Variants in EPOR observed in about 807,000 individuals in gnomAD.
EPOR encodes the protein erythropoietin receptor.
EPOR carries 20 observed loss-of-function variants against 34.3 expected under a neutral mutation model. The ratio of observed to expected loss-of-function variants is 0.58; its 90% CI spans 0.41 to 0.85. The LOEUF (loss-of-function observed/expected upper bound fraction) is 0.85, where lower values mean the gene tolerates loss of function less well. Among genes scored for constraint, EPOR ranks in the 40% least tolerant of loss-of-function variants. The probability of loss-of-function intolerance (pLI) is 0.00; values close to 1 mark genes in which losing one functional copy is unlikely to be tolerated. For missense variants in EPOR, 601 were observed against 672.7 expected (o/e 0.89, Z 1.18); for synonymous variants, 312 against 299.0 (o/e 1.04, Z -0.45).
rs1347652343 is a variant in EPOR, at chr19:11,383,575, G to A, written c.116-343C>T. The A allele has an allele frequency of 1.9e-4, 54 of 279,986 alleles. 1 individual carries two copies. The South Asian group carries it at 2.6e-3, about 14-fold the overall frequency. 17.3% of individuals were successfully genotyped at this position (279,986 alleles called of 1,614,324 possible). On this transcript the variant is annotated intron_variant, in intron 1 of 7. Transcript: ENST00000222139. The surrounding 1 kb of genome is among the most constrained non-coding windows in gnomAD (Gnocchi z 4.9). The stretch of plus-strand genomic sequence containing the variant: ...CGGCTGGGGGTGTGTGCGGAGAGGC[G>A]GGCCCCCTATCGGCCCCGGCAGGCT...
rs978732810 is a variant in EPOR, at chr19:11,381,539, T to A, written c.585+153A>T. On this transcript the variant is annotated intron_variant, in intron 4 of 7. Coordinates refer to ENST00000222139, the MANE Select transcript of EPOR (RefSeq NM_000121.4). The surrounding 1 kb of genome is among the most constrained non-coding windows in gnomAD (Gnocchi z 5.3). Reference sequence around the variant, plus strand: ...CGAGGACATTAGGAAAGGGGGTGTGTCTGTGGGCGTGGAACGGTCTTCAGC... The same window carrying A: ...CGAGGACATTAGGAAAGGGGGTGTGACTGTGGGCGTGGAACGGTCTTCAGC... 6.6e-6 allele frequency among the ~76,000 whole-genome samples: 1 copy of A among 152,028 alleles called. No homozygotes were observed. Among genetic ancestry groups the A allele is most frequent in the Non-Finnish European group, 1.5e-5 (1 of 67,994 alleles).
intron 6 of EPOR, among the ~76,000 whole-genome samples, chr19:11,380,390 T>A (rs1406126733): frequency 6.6e-6 from 1 of 152,176 alleles, no homozygotes; most frequent in African/African-American, 2.4e-5. Context: ...GAAAGACGAC[T>A]AGAAGATTGC....
At position 11,381,352 on chromosome 19, in the gene EPOR, G is replaced by C. The variant is rs1190407309; in HGVS notation, c.586-143C>G. 1.3e-5 allele frequency: 12 copies of C among 906,482 alleles called. No individual in the cohort carries two copies. Among genetic ancestry groups the C allele is most frequent in the Non-Finnish European group, 2.1e-5 (12 of 585,090 alleles). 56.2% of individuals were successfully genotyped at this position (906,482 alleles called of 1,614,324 possible). A position where few individuals can be genotyped will look rare whatever the true frequency, so the allele number is the denominator to read the frequency against. ...GGGACCAATAAGAGTAGGGGGAGGA[G>C]CCCAAGAAAGCTCAGGGCCAATCAG... On this transcript the variant is annotated intron_variant, in intron 4 of 7. Transcript: ENST00000222139. The surrounding 1 kb of genome is among the most constrained non-coding windows in gnomAD (Gnocchi z 5.3).
rs371996814 is a variant in EPOR at position 11,383,030 on chromosome 19, G to C, written c.251+67C>G. The C allele has an allele frequency of 5.6e-6, 9 of 1,609,444 alleles. No individual in the cohort carries two copies. Among genetic ancestry groups the C allele is most frequent in the South Asian group, 3.3e-5 (3 of 90,980 alleles). ...AACAGCAGGGGACATACGAGGCTACGACCTCCAGGGAGCTCTGCCCCACCC... is the reference window on the plus strand; with the variant it reads ...AACAGCAGGGGACATACGAGGCTACCACCTCCAGGGAGCTCTGCCCCACCC... On this transcript the variant is annotated intron_variant, in intron 2 of 7. Transcript: ENST00000222139. The surrounding 1 kb of genome is among the most constrained non-coding windows in gnomAD (Gnocchi z 4.9).
chr19:11,380,734 C>T lies in EPOR; in HGVS notation c.827+150G>A, dbSNP rs566492472. 2.8e-5 allele frequency: 19 copies of T among 686,430 alleles called. No individual in the cohort carries two copies. In the South Asian group the frequency reaches 3.2e-4, roughly 12 times the overall value. 42.5% of individuals were successfully genotyped at this position (686,430 alleles called of 1,614,324 possible). A position where few individuals can be genotyped will look rare whatever the true frequency, so the allele number is the denominator to read the frequency against. On this transcript the variant is annotated intron_variant, in intron 6 of 7. Coordinates refer to ENST00000222139, the MANE Select transcript of EPOR (RefSeq NM_000121.4). ...TGTTAACGAAGAGTCTGGGTCTAGTCTGGCATGCATCCCAGCCCTGCCACT... is the reference window on the plus strand; with the variant it reads ...TGTTAACGAAGAGTCTGGGTCTAGTTTGGCATGCATCCCAGCCCTGCCACT...
chr19:11,381,853 C>G lies in EPOR; in HGVS notation c.428-4G>C, dbSNP rs2144698423. On this transcript the variant is annotated splice_region_variant and splice_polypyrimidine_tract_variant and intron_variant, in intron 3 of 7. Coordinates refer to ENST00000222139, the MANE Select transcript of EPOR (RefSeq NM_000121.4). This position sits in a 1 kb window ranked among gnomAD's most constrained non-coding sequence, Gnocchi z 5.3. The stretch of plus-strand genomic sequence containing the variant: ...CCCACGGGGGCGTCTAGGAGCACTG[C>G]AGGCATGGGGGTTGGTCAGGTGGGC... The G allele has an allele frequency of 6.2e-7, 1 of 1,614,144 alleles. No homozygotes were observed. Among genetic ancestry groups the G allele is most frequent in the Non-Finnish European group, 8.5e-7 (1 of 1,179,990 alleles).
intron 6 of EPOR, among the ~76,000 whole-genome samples, chr19:11,379,037 A>G (rs1436094106): frequency 6.6e-6 from 1 of 152,174 alleles, no homozygotes. Flanking sequence ...AATCCTGGCC[A>G]TGGCCAGGTG....
intron 6 of EPOR, among the ~76,000 whole-genome samples, chr19:11,379,174 A>G (rs1968323423): frequency 6.6e-6 from 1 of 152,186 alleles, no homozygotes; most frequent in Admixed American, 6.5e-5. Flanking sequence ...AAAAAATAAA[A>G]TAAAATAAAT....
intron 2 of EPOR, 115 bp from the exon 3 acceptor site, chr19:11,382,220 T>G (rs1968372803): frequency 1.2e-6 from 1 of 834,574 alleles, no homozygotes; most frequent in Non-Finnish European, 1.9e-6. Flanking sequence ...TGTGTGTGTG[T>G]GACAAGGTGT....
chr19:11,377,909 C>A lies in EPOR; in HGVS notation c.*75G>T. 4 of 1,590,630 alleles carry A rather than the reference C, an allele frequency of 2.5e-6. No homozygotes were observed. The highest frequency in any genetic ancestry group is 3.4e-6 in the Non-Finnish European group (4 of 1,161,480). ...TGCTCCTGAGAGAGGCCTCGCCATC[C>A]CTGTTCCATAAGTCTTGAGTCTGCA... On this transcript the variant is annotated 3_prime_UTR_variant, in exon 8 of 8. Transcript: ENST00000222139.
rs906407143 is a variant in EPOR, at chr19:11,381,916, C to T, written c.427+14G>A. The T allele has an allele frequency of 5.6e-6, 9 of 1,614,250 alleles. No individual in the cohort carries two copies. Among genetic ancestry groups the T allele is most frequent in the Non-Finnish European group, 7.6e-6 (9 of 1,180,034 alleles). ...CCTCTCCTCCGACCACTCCTCCATTCCCAGAGCACTTACCTACTTCATTGA... is the reference window on the plus strand; with the variant it reads ...CCTCTCCTCCGACCACTCCTCCATTTCCAGAGCACTTACCTACTTCATTGA... On this transcript the variant is annotated intron_variant, in intron 3 of 7. Coordinates refer to ENST00000222139, the MANE Select transcript of EPOR (RefSeq NM_000121.4). This position sits in a 1 kb window ranked among gnomAD's most constrained non-coding sequence, Gnocchi z 5.3.
Position 11,378,006 on chromosome 19 carries a change from G to C in EPOR, c.1505C>G (p.Pro502Arg), listed in dbSNP as rs200372382. 53 of 1,614,138 alleles carry C rather than the reference G, an allele frequency of 3.3e-5. 1 individual carries two copies. The East Asian group carries it at 8.9e-4, about 27-fold the overall frequency. The change falls in exon 8 of 8, where the codon CCC becomes CGC. Residue 502 changes from proline to arginine, a missense_variant. Coordinates refer to ENST00000222139, the MANE Select transcript of EPOR (RefSeq NM_000121.4). This position sits in a 1 kb window ranked among gnomAD's most constrained non-coding sequence, Gnocchi z 5.3. ...GTCCTAAGAGCAAGCCACATAGCTG[G>C]GGGGCAGAGGCTCAGCGGCTGGGAT... is the stretch of plus-strand genomic sequence containing the variant. ...SLIPAAEPLP[P>R]SYVACS
At position 11,382,869 on chromosome 19, in the gene EPOR, T is replaced by G. The variant is rs144250010; in HGVS notation, c.251+228A>C. On this transcript the variant is annotated intron_variant, in intron 2 of 7. Coordinates refer to ENST00000222139, the MANE Select transcript of EPOR (RefSeq NM_000121.4). Reference sequence around the variant, plus strand: ...TACCCTCGATTTGGAGGCGTTGTTATCCCAGCCTGATGTTTGGGGTCGCGT... The same window carrying G: ...TACCCTCGATTTGGAGGCGTTGTTAGCCCAGCCTGATGTTTGGGGTCGCGT... 202 of 1,515,878 alleles carry G rather than the reference T, an allele frequency of 1.3e-4. 1 individual carries two copies. The East Asian group carries it at 3.1e-3, about 23-fold the overall frequency. 93.9% of individuals were successfully genotyped at this position (1,515,878 alleles called of 1,614,324 possible). A position where few individuals can be genotyped will look rare whatever the true frequency, so the allele number is the denominator to read the frequency against.
rs778198044 is a variant in EPOR at position 11,378,080 on chromosome 19, TTGGGCTCCC to T, written c.1422_1430del (p.Ala476_Gly478del). Reference sequence around the variant, plus strand: ...AGTAGGGGCCATCGGATAAGCCCCCTTGGGCTCCCTGGGAGTCCCCTGAGCTGTAGTCAG... The same window carrying T: ...AGTAGGGGCCATCGGATAAGCCCCCTTGGGAGTCCCCTGAGCTGTAGTCAG... On this transcript the variant is annotated inframe_deletion, in exon 8 of 8. Transcript: ENST00000222139. This position sits in a 1 kb window ranked among gnomAD's most constrained non-coding sequence, Gnocchi z 5.3. 6.2e-5 allele frequency: 100 copies of T among 1,613,954 alleles called. 1 individual carries two copies. Among genetic ancestry groups the T allele is most frequent in the Middle Eastern group, 3.3e-4 (2 of 6,084 alleles).
Position 11,381,019 on chromosome 19 carries a change from GCC to G in EPOR, c.739+35_739+36del, listed in dbSNP as rs773038974. 1 of 1,574,838 alleles carries G rather than the reference GCC, an allele frequency of 6.3e-7. No individual in the cohort carries two copies. The highest frequency in any genetic ancestry group is 8.6e-7 in the Non-Finnish European group (1 of 1,159,570). ...GGGCGGTGGGCTTGCCCCGTGATTC[GCC>G]CTGGCTCCTCCTACACCCCCGCCTG... On this transcript the variant is annotated intron_variant, in intron 5 of 7. Coordinates refer to ENST00000222139, the MANE Select transcript of EPOR (RefSeq NM_000121.4). The surrounding 1 kb of genome is among the most constrained non-coding windows in gnomAD (Gnocchi z 5.3).
At chr19:11,380,114 T>A (rs1273345623) in intron 6 of EPOR, among the ~76,000 whole-genome samples, 1 of 152,260 alleles carries the variant, frequency 6.6e-6, no homozygotes, top group East Asian at 1.9e-4. Flanking sequence ...TTCCTTCCAA[T>A]CTTCAGGTTT....
Position 11,379,723 on chromosome 19 carries a change from G to A in EPOR, c.828-945C>T, listed in dbSNP as rs375038960. On this transcript the variant is annotated intron_variant, in intron 6 of 7. Transcript: ENST00000222139. ...GCAATTTTTTTTTTTTTTTTGAGAC[G>A]GAGTTTCACTCTTATTGCCCAGGCT... is the stretch of plus-strand genomic sequence containing the variant. Among the ~76,000 whole-genome samples the A allele has an allele frequency of 6.1e-5, 9 of 147,578 alleles. No homozygotes were observed. The East Asian group carries it at 1.2e-3, about 20-fold the overall frequency.
Position 11,377,720 on chromosome 19 carries a change from G to T in EPOR, c.*264C>A. 1.6e-6 allele frequency: 1 copy of T among 625,592 alleles called. No homozygotes were observed. Among genetic ancestry groups the T allele is most frequent in the Non-Finnish European group, 2.9e-6 (1 of 340,132 alleles). 38.8% of individuals were successfully genotyped at this position (625,592 alleles called of 1,614,324 possible). A position where few individuals can be genotyped will look rare whatever the true frequency, so the allele number is the denominator to read the frequency against. On this transcript the variant is annotated 3_prime_UTR_variant, in exon 8 of 8. Transcript: ENST00000222139. ...TCCCTATGGCCTATGCCCAGGGGAA[G>T]ATGGGACTTAAAGGGTGTTTGTAGA...
At position 11,377,237 on chromosome 19, in the gene EPOR, T is replaced by C; in HGVS notation, c.*747A>G. The C allele has an allele frequency of 2.2e-6, 1 of 454,058 alleles. No homozygotes were observed. The highest frequency in any genetic ancestry group is 1.6e-5 in the South Asian group (1 of 64,472). 28.1% of individuals were successfully genotyped at this position (454,058 alleles called of 1,614,324 possible). On this transcript the variant is annotated 3_prime_UTR_variant, in exon 8 of 8. Coordinates refer to ENST00000222139, the MANE Select transcript of EPOR (RefSeq NM_000121.4). Reference sequence around the variant, plus strand: ...TCAGAATTACTTTTATTATTATTAGTGGCAGAGACTAGCTAGTGGCCCTTA... The same window carrying C: ...TCAGAATTACTTTTATTATTATTAGCGGCAGAGACTAGCTAGTGGCCCTTA...
Sources: allele counts gnomAD v4.1 joint callset (sites outside exome capture counted in the v4.1 genomes callset), GRCh38; gene constraint gnomAD v4.1.1; non-coding constraint Gnocchi (gnomAD v3.1); transcripts MANE v1.5; gene names NCBI Gene and HGNC (gene_info 2026-07-23, HGNC 2026-07-21).